JDP2: variants seen among roughly 807,000 people sequenced by gnomAD.
The protein encoded by JDP2 is progesterone receptor co-activator.
Under a neutral mutation model 17.1 loss-of-function variants are expected in JDP2, and 9 were observed. That is an observed-to-expected ratio of 0.53 (90% CI 0.32 to 0.92). The LOEUF (loss-of-function observed/expected upper bound fraction) is 0.92, where lower values mean the gene tolerates loss of function less well. Ranked by LOEUF, JDP2 falls within the 40% of genes least tolerant of loss-of-function variation. JDP2 has a pLI of 0.04. For synonymous variants in JDP2, 107 were observed against 95.6 expected (o/e 1.12, Z -0.69); for missense variants, 179 against 220.0 (o/e 0.81, Z 1.18).
At chr14:75,463,859 T>G (rs531004847) in intron 3 of JDP2, among the ~76,000 whole-genome samples, 2 of 152,302 alleles carry the variant, frequency 1.3e-5, no homozygotes, top group South Asian at 2.1e-4. Context: ...AGTAGCCCCT[T>G]CCTTCACTCT....
intron 3 of JDP2, among the ~76,000 whole-genome samples, chr14:75,463,439 G>A (rs1457430513): frequency 6.6e-6 from 1 of 152,194 alleles, no homozygotes; most frequent in African/African-American, 2.4e-5. Context: ...CTAGGGCACA[G>A]AGGGCAGGCA....
At chr14:75,463,637 G>T (rs1886436570) in intron 3 of JDP2, among the ~76,000 whole-genome samples, 1 of 152,114 alleles carries the variant, frequency 6.6e-6, no homozygotes, top group Admixed American at 6.6e-5. Context: ...GGCCCTAGGG[G>T]GTTATGAGGA....
At chr14:75,449,554 G>A (rs1351700102) in intron 2 of JDP2, among the ~76,000 whole-genome samples, 3 of 152,170 alleles carry the variant, frequency 2.0e-5, no homozygotes, top group African/African-American at 7.2e-5. Flanking sequence ...GGTGATGAGG[G>A]TCTTGTGGGG....
chr14:75,435,576 C>T (rs75413288), intron 1 of JDP2, among the ~76,000 whole-genome samples: 11,570 of 152,220 alleles, frequency 0.076, 928 homozygotes, highest in African/African-American at 0.19. Flanking sequence ...GTCTAGAACC[C>T]TGGGACCAGG....
At chr14:75,449,359 T>G (rs1715404926) in intron 2 of JDP2, among the ~76,000 whole-genome samples, 1 of 152,382 alleles carries the variant, frequency 6.6e-6, no homozygotes, top group Admixed American at 6.5e-5. Context: ...GACTGCATTT[T>G]CATTTAATTG....
chr14:75,469,454 C>G lies in JDP2; in HGVS notation c.471C>G (p.Leu157=). ...CCGAGTCAGAAGGCAACCCACTGCT[C>G]GAGCAGCTCGAGAAGAAGTGACCAT... ...KTPESEGNPL[L]EQLEKK Residue 157 remains leucine (L), a synonymous_variant, in exon 4 of 4, where the codon CTC becomes CTG. Transcript: ENST00000651602. 3 of 1,613,506 alleles carry G rather than the reference C, an allele frequency of 1.9e-6. No individual in the cohort carries two copies. The highest frequency in any genetic ancestry group is 2.5e-6 in the Non-Finnish European group (3 of 1,179,810).
rs1886416219 is a variant in JDP2 at position 75,463,281 on chromosome 14, A to G, written c.306+1751A>G. Among the ~76,000 whole-genome samples, 3 of 152,162 alleles carry G rather than the reference A, an allele frequency of 2.0e-5. No homozygotes were observed. The South Asian group carries it at 6.2e-4, about 31-fold the overall frequency. On this transcript the variant is annotated intron_variant, in intron 3 of 3. Coordinates refer to ENST00000651602, the MANE Select transcript of JDP2 (RefSeq NM_001135048.2). Reference sequence around the variant, plus strand: ...ATCCTTATAATATTCCAGTGAGATAATATTATTTATCCCCATTTTAGAGAC... The same window carrying G: ...ATCCTTATAATATTCCAGTGAGATAGTATTATTTATCCCCATTTTAGAGAC...
chr14:75,428,493 G>C lies in JDP2; in HGVS notation c.-24+241G>C, dbSNP rs1221290076. ...TCCTTTTGGTTCCCGCCCCGGGACG[G>C]GAGGCTCCGTCCGCTCCCTGGACAG... On this transcript the variant is annotated intron_variant, in intron 1 of 3. Coordinates refer to ENST00000651602, the MANE Select transcript of JDP2 (RefSeq NM_001135048.2). The surrounding 1 kb of genome is among the most constrained non-coding windows in gnomAD (Gnocchi z 5.6). 1 of 152,176 alleles carries C rather than the reference G, an allele frequency of 6.6e-6. No homozygotes were observed. Among genetic ancestry groups the C allele is most frequent in the African/African-American group, 2.4e-5 (1 of 41,442 alleles). 9.4% of individuals were successfully genotyped at this position (152,176 alleles called of 1,614,324 possible). A position where few individuals can be genotyped will look rare whatever the true frequency, so the allele number is the denominator to read the frequency against.
chr14:75,452,765 C>T (rs992921986), intron 2 of JDP2, among the ~76,000 whole-genome samples: 16 of 152,226 alleles, frequency 1.1e-4, no homozygotes, highest in African/African-American at 3.6e-4. Context: ...GCCCTCCCCC[C>T]TCACTAATGG....
At chr14:75,438,151 C>G in intron 2 of JDP2, 30 bp downstream of exon 2, 1 of 1,537,280 alleles carries the variant, frequency 6.5e-7, no homozygotes. Flanking sequence ...CTGGCAGATT[C>G]CAGGTCTGGC....
intron 2 of JDP2, among the ~76,000 whole-genome samples, chr14:75,442,609 G>C (rs1044059049): frequency 6.6e-6 from 1 of 152,136 alleles, no homozygotes; most frequent in Non-Finnish European, 1.5e-5. Flanking sequence ...ATTAGGTTTT[G>C]CTATTTCCAA....
intron 2 of JDP2, among the ~76,000 whole-genome samples, chr14:75,457,252 C>A (rs911603724): frequency 3.9e-5 from 6 of 152,252 alleles, no homozygotes; most frequent in Non-Finnish European, 7.3e-5. Flanking sequence ...CGTCTTTCTC[C>A]CACACATGGG....
intron 3 of JDP2, among the ~76,000 whole-genome samples, chr14:75,462,385 A>G (rs56091154): frequency 0.062 from 9,476 of 152,266 alleles, 381 homozygotes; most frequent in Admixed American, 0.1. Flanking sequence ...AGTACACAGT[A>G]ACTAACAATA....
Position 75,438,014 on chromosome 14 carries a change from G to C in JDP2, c.94G>C (p.Val32Leu). 2 of 1,613,936 alleles carry C rather than the reference G, an allele frequency of 1.2e-6. No homozygotes were observed. Among genetic ancestry groups the C allele is most frequent in the South Asian group, 2.2e-5 (2 of 90,962 alleles). Residue 32 changes from valine to leucine, a missense_variant, in exon 2 of 4, where the codon GTG (valine) becomes CTG (leucine). Coordinates refer to ENST00000651602, the MANE Select transcript of JDP2 (RefSeq NM_001135048.2). ...LTGLPSSALT[V>L]EELKYADIRN... Reference sequence around the variant, plus strand: ...CGGGCTCCCCAGCTCGGCCCTGACTGTGGAGGAGCTGAAATACGCTGACAT... The same window carrying C: ...CGGGCTCCCCAGCTCGGCCCTGACTCTGGAGGAGCTGAAATACGCTGACAT...
At chr14:75,465,675 T>C (rs970373334) in intron 3 of JDP2, among the ~76,000 whole-genome samples, 1 of 152,132 alleles carries the variant, frequency 6.6e-6, no homozygotes, top group African/African-American at 2.4e-5. Context: ...CCAATCATCA[T>C]ATTTTCTGGG....
chr14:75,468,526 T>C (rs1886668568), intron 3 of JDP2, among the ~76,000 whole-genome samples: 1 of 152,208 alleles, frequency 6.6e-6, no homozygotes, highest in African/African-American at 2.4e-5. Flanking sequence ...GATGGACATG[T>C]AACCCTCGCC....
At chr14:75,432,153 G>C (rs1184516253) in intron 1 of JDP2, 1 of 631,712 alleles carries the variant, frequency 1.6e-6, no homozygotes, top group African/African-American at 1.8e-5. Flanking sequence ...GCCTTTTGCT[G>C]CTCGCCTTCA....
intron 2 of JDP2, among the ~76,000 whole-genome samples, chr14:75,455,260 C>G (rs1460005086): frequency 2.0e-5 from 3 of 152,156 alleles, no homozygotes; most frequent in Non-Finnish European, 4.4e-5. Flanking sequence ...CCACACTCCA[C>G]AGTGCCTGAC....
At chr14:75,442,904 G>A (rs935658656) in intron 2 of JDP2, among the ~76,000 whole-genome samples, 7 of 152,128 alleles carry the variant, frequency 4.6e-5, no homozygotes, top group Non-Finnish European at 8.8e-5. Flanking sequence ...TTCTGGGGGT[G>A]TCACCCCGAG....
Sources: allele counts gnomAD v4.1 joint callset (sites outside exome capture counted in the v4.1 genomes callset), GRCh38; gene constraint gnomAD v4.1.1; non-coding constraint Gnocchi (gnomAD v3.1); transcripts MANE v1.5; gene names NCBI Gene and HGNC (gene_info 2026-07-23, HGNC 2026-07-21).